USH2A: variants seen among roughly 807,000 people sequenced by gnomAD.
The protein encoded by USH2A is Usher syndrome 2A (autosomal recessive, mild).
In USH2A, 443 loss-of-function variants were observed where a neutral mutation model predicts 538.9. The observed-to-expected ratio is 0.82, with a 90% CI of 0.76 to 0.89. The LOEUF (loss-of-function observed/expected upper bound fraction) is 0.89, where lower values mean the gene tolerates loss of function less well. USH2A is among the 40% of genes least tolerant of loss of function. The pLI is 0.00. For synonymous variants in USH2A, 2,413 were observed against 2,273.5 expected (o/e 1.06, Z -1.75); for missense variants, 6,633 against 6,324.8 (o/e 1.05, Z -1.65).
At chr1:215,849,108 T>C (rs1269234379) in intron 44 of USH2A, among the ~76,000 whole-genome samples, 1 of 152,178 alleles carries the variant, frequency 6.6e-6, no homozygotes, top group Non-Finnish European at 1.5e-5. Context: ...TATCTCTCCT[T>C]TTTTAAATAG....
intron 9 of USH2A, among the ~76,000 whole-genome samples, chr1:216,319,677 C>G (rs2037570692): frequency 6.6e-6 from 1 of 152,094 alleles, no homozygotes; most frequent in African/African-American, 2.4e-5. Context: ...AAATCAAAGA[C>G]TCTTAGTTGA....
At chr1:215,855,864 A>G (rs527839096) in intron 44 of USH2A, among the ~76,000 whole-genome samples, 1 of 152,308 alleles carries the variant, frequency 6.6e-6, no homozygotes, top group East Asian at 1.9e-4. Flanking sequence ...CAAAATAGAG[A>G]ACTCAGAAAT....
intron 36 of USH2A, among the ~76,000 whole-genome samples, chr1:215,966,854 TAA>T (rs1455244607): frequency 2.6e-5 from 4 of 152,230 alleles, no homozygotes; most frequent in African/African-American, 9.6e-5. Context: ...CAATTCCAGA[TAA>T]TTATATTATA....
chr1:216,196,560 A>G lies in USH2A; in HGVS notation c.4244T>C (p.Phe1415Ser). Residue 1415 changes from phenylalanine to serine, a missense_variant, in exon 19 of 72, where the codon TTT becomes TCT. Coordinates refer to ENST00000307340, the MANE Select transcript of USH2A (RefSeq NM_206933.4). ...AGTTAAAAATAACAATACCTGTGAA[A>G]ACGCCATGGGAATAGACTGTTGAGG... ...QSPQQSIPMA[F>S]SQLLHTAKSQ... 1.2e-6 allele frequency: 2 copies of G among 1,613,416 alleles called. No homozygotes were observed. The highest frequency in any genetic ancestry group is 1.7e-6 in the Non-Finnish European group (2 of 1,179,554).
intron 11 of USH2A, among the ~76,000 whole-genome samples, chr1:216,277,287 G>A (rs1441135212): frequency 1.3e-5 from 2 of 151,974 alleles, no homozygotes; most frequent in South Asian, 2.1e-4. Context: ...CTTGTTCCTG[G>A]GGCTTCTCTC....
chr1:215,900,078 C>T lies in USH2A; in HGVS notation c.7591G>A (p.Asp2531Asn), dbSNP rs372989431. ...GTGTATTGTTCAGACCACTTACTGTCCTCTGCGGTCATGAATGGAATCCAA... is the reference window on the plus strand; with the variant it reads ...GTGTATTGTTCAGACCACTTACTGTTCTCTGCGGTCATGAATGGAATCCAA... The part of the protein sequence containing the change: ...SSWIPFMTAE[D>N]KPGPVVPPIL... Residue 2531 changes from aspartate to asparagine, a missense_variant, in exon 40 of 72, where the codon GAC (aspartate) becomes AAC (asparagine). By Grantham distance (23) the Asp-to-Asn change is conservative. Coordinates refer to ENST00000307340, the MANE Select transcript of USH2A (RefSeq NM_206933.4). 1.2e-6 allele frequency: 2 copies of T among 1,613,540 alleles called. No individual in the cohort carries two copies. Among genetic ancestry groups the T allele is most frequent in the Non-Finnish European group, 1.7e-6 (2 of 1,179,724 alleles).
intron 34 of USH2A, among the ~76,000 whole-genome samples, chr1:215,994,583 G>C (rs1005094080): frequency 2.0e-5 from 3 of 152,106 alleles, no homozygotes; most frequent in African/African-American, 7.2e-5. Context: ...ACTTTCAGAT[G>C]GGTTAAATTG....
At chr1:216,212,735 G>A (rs2035268039) in intron 15 of USH2A, among the ~76,000 whole-genome samples, 1 of 151,760 alleles carries the variant, frequency 6.6e-6, no homozygotes, top group Non-Finnish European at 1.5e-5. Flanking sequence ...GGGTGTGTGT[G>A]TGTGTATATG....
At chr1:216,315,508 C>T (rs1462602356) in intron 9 of USH2A, among the ~76,000 whole-genome samples, 1 of 152,100 alleles carries the variant, frequency 6.6e-6, no homozygotes, top group Non-Finnish European at 1.5e-5. Flanking sequence ...GTGAAACATT[C>T]CATCTCTAGA....
At chr1:216,323,845 AC>A (rs1571701678) in intron 7 of USH2A, 150 bp from the exon 8 acceptor site, 2 of 777,948 alleles carry the variant, frequency 2.6e-6, no homozygotes, top group East Asian at 5.3e-5. Flanking sequence ...TCATATATAA[AC>A]AATACAGGAT....
intron 43 of USH2A, among the ~76,000 whole-genome samples, chr1:215,877,072 T>G (rs1664791107): frequency 6.6e-6 from 1 of 152,098 alleles, no homozygotes; most frequent in Non-Finnish European, 1.5e-5. Flanking sequence ...GATTTAGAAG[T>G]CATTTAATTC....
At chr1:215,764,767 T>C (rs1042547218) in intron 56 of USH2A, among the ~76,000 whole-genome samples, 2 of 152,170 alleles carry the variant, frequency 1.3e-5, no homozygotes, top group Non-Finnish European at 2.9e-5. Context: ...GTTTTCACTT[T>C]ACAGTAAAAC....
At chr1:216,326,194 C>T (rs971719208) in intron 5 of USH2A, among the ~76,000 whole-genome samples, 3 of 152,172 alleles carry the variant, frequency 2.0e-5, no homozygotes, top group African/African-American at 7.2e-5. Flanking sequence ...TCAAAGAATG[C>T]CAATTCCAGG....
At chr1:215,667,799 C>G in intron 64 of USH2A, among the ~76,000 whole-genome samples, 1 of 152,010 alleles carries the variant, frequency 6.6e-6, no homozygotes, top group East Asian at 1.9e-4. Flanking sequence ...TATCACTGGC[C>G]AACTGATGGA....
At position 216,030,311 on chromosome 1, in the gene USH2A, A is replaced by G. The variant is rs571692976; in HGVS notation, c.6325+16120T>C. Among the ~76,000 whole-genome samples the G allele has an allele frequency of 2.9e-4, 40 of 137,236 alleles. 1 individual carries two copies. Among genetic ancestry groups the G allele is most frequent in the African/African-American group, 7.7e-4 (29 of 37,842 alleles). The allele number at this position is 137,236 out of a possible 152,430, so 90.0% of individuals were successfully genotyped here. A position where few individuals can be genotyped will look rare whatever the true frequency, so the allele number is the denominator to read the frequency against. ...TATAATATATAAGATATATAGATAT[A>G]TATCACAGATATATAATATATATGA... On this transcript the variant is annotated intron_variant, in intron 32 of 71. Transcript: ENST00000307340.
chr1:216,179,018 A>G (rs79807388), intron 20 of USH2A, among the ~76,000 whole-genome samples: 1,553 of 152,194 alleles, frequency 0.01, 27 homozygotes, highest in African/African-American at 0.036. Flanking sequence ...ATGCTTCTTA[A>G]AAGCTGAAGA....
chr1:215,934,687 A>C lies in USH2A; in HGVS notation c.7229T>G (p.Val2410Gly), dbSNP rs748651709. 6.2e-7 allele frequency: 1 copy of C among 1,612,886 alleles called. No individual in the cohort carries two copies. The highest frequency in any genetic ancestry group is 1.1e-5 in the South Asian group (1 of 91,064). The change falls in exon 38 of 72, where the codon GTA (valine) becomes GGA (glycine). Residue 2410 changes from valine to glycine, a missense_variant. Transcript: ENST00000307340. ...TTGGCTATTTGAAATATTCACTTGT[A>C]CAGTATAGTTGGTAAAAGGAACCAG... ...DGLVPFTNYT[V>G]QVNISNSQGS... is the part of the protein sequence containing the mutation.
chr1:216,210,397 T>C (rs943790371), intron 15 of USH2A, among the ~76,000 whole-genome samples: 1 of 151,916 alleles, frequency 6.6e-6, no homozygotes, highest in South Asian at 2.1e-4. Context: ...CTGAAGCCTG[T>C]TAGTAATAAT....
intron 21 of USH2A, among the ~76,000 whole-genome samples, chr1:216,116,919 C>A (rs1382324605): frequency 6.6e-6 from 1 of 152,028 alleles, no homozygotes; most frequent in Non-Finnish European, 1.5e-5. Context: ...TTTGAGTGTG[C>A]TGGAATAGTC....
Sources: allele counts gnomAD v4.1 joint callset (sites outside exome capture counted in the v4.1 genomes callset), GRCh38; gene constraint gnomAD v4.1.1; transcripts MANE v1.5; gene names NCBI Gene and HGNC (gene_info 2026-07-23, HGNC 2026-07-21).